Variants in MUCL1 observed in about 807,000 individuals in gnomAD.
MUCL1 encodes mucin-like protein 1.
MUCL1 carries 11 observed loss-of-function variants against 9.2 expected under a neutral mutation model. The ratio of observed to expected loss-of-function variants is 1.19; its 90% CI spans 0.75 to 1.97. The LOEUF is 1.97. MUCL1 is among the 30% of genes most tolerant of loss of function. MUCL1 has a pLI of 0.00. For synonymous variants in MUCL1, 48 were observed against 40.5 expected, an observed-to-expected ratio of 1.19 and a Z score of -0.71; for missense variants, 144 against 110.9, an observed-to-expected ratio of 1.30 and a Z score of -1.34.
intron 1 of MUCL1, among the ~76,000 whole-genome samples, chr12:54,841,291 A>T (rs10876630): frequency 0.43 from 64,656 of 152,100 alleles, 14,348 homozygotes; most frequent in Non-Finnish European, 0.51. Context: ...TTGTAGAACG[A>T]TGCTGCAATC....
intron 1 of MUCL1, among the ~76,000 whole-genome samples, chr12:54,833,215 C>T (rs183897520): frequency 2.0e-5 from 3 of 152,230 alleles, no homozygotes; most frequent in Admixed American, 2.0e-4. Flanking sequence ...TACCTACACA[C>T]ACACATCCAA....
At chr12:54,843,918 G>A (rs1311978504) in intron 1 of MUCL1, among the ~76,000 whole-genome samples, 1 of 152,116 alleles carries the variant, frequency 6.6e-6, no homozygotes, top group African/African-American at 2.4e-5. Flanking sequence ...GTAATACACT[G>A]ACATTCATTG....
intron 1 of MUCL1, among the ~76,000 whole-genome samples, chr12:54,832,689 C>T (rs763519328): frequency 6.6e-6 from 1 of 151,978 alleles, no homozygotes; most frequent in East Asian, 1.9e-4. Context: ...ACATCACAGA[C>T]GGCCCCTGGA....
At chr12:54,841,036 A>T (rs1270918807) in intron 1 of MUCL1, among the ~76,000 whole-genome samples, 1 of 151,194 alleles carries the variant, frequency 6.6e-6, no homozygotes, top group Non-Finnish European at 1.5e-5. Context: ...CTCTGCCTCT[A>T]TGAGTTCAAT....
At chr12:54,857,425 T>A (rs189459447) in intron 3 of MUCL1, among the ~76,000 whole-genome samples, 324 of 152,250 alleles carry the variant, frequency 2.1e-3, no homozygotes, top group African/African-American at 7.5e-3. Context: ...TCTGGGGTTT[T>A]GGACATTCAC....
chr12:54,834,200 T>C lies in MUCL1; in HGVS notation n.357+3325T>C, dbSNP rs149126260. On this transcript the variant is annotated intron_variant and non_coding_transcript_variant, in intron 1 of 3. Transcript: ENST00000547990. ...ATATTCTCTTTTAGAAGGTTTACTG[T>C]TACACTTATTATTTAGATATATTCT... Among the ~76,000 whole-genome samples the C allele has an allele frequency of 4.6e-3, 701 of 152,276 alleles. 28 individuals carry two copies. Among genetic ancestry groups the C allele is most frequent in the Admixed American group, 0.043 (658 of 15,288 alleles).
exon 1 of MUCL1, chr12:54,839,398 G>T: frequency 2.8e-6 from 2 of 701,926 alleles, no homozygotes; most frequent in Non-Finnish European, 5.2e-6. Context: ...TCAGGCTTCT[G>T]GCCAGTATGG....
upstream of MUCL1, among the ~76,000 whole-genome samples, chr12:54,850,204 CA>C (rs1199722813): frequency 6.6e-6 from 1 of 152,122 alleles, no homozygotes; most frequent in Non-Finnish European, 1.5e-5. Flanking sequence ...TACATGTGCA[CA>C]ACGTGCAGGT....
chr12:54,841,942 C>T (rs1959214314), intron 1 of MUCL1, among the ~76,000 whole-genome samples: 1 of 152,024 alleles, frequency 6.6e-6, no homozygotes, highest in Non-Finnish European at 1.5e-5. Flanking sequence ...CAGTTACAGG[C>T]CTTAATAATT....
intron 1 of MUCL1, among the ~76,000 whole-genome samples, chr12:54,846,051 G>A (rs1948140): frequency 0.45 from 68,755 of 151,906 alleles, 16,540 homozygotes; most frequent in East Asian, 0.84. Context: ...TCACCACTCA[G>A]TAAAACCTTG....
intron 1 of MUCL1, among the ~76,000 whole-genome samples, chr12:54,846,415 G>C (rs1450775365): frequency 6.6e-6 from 1 of 152,168 alleles, no homozygotes; most frequent in Non-Finnish European, 1.5e-5. Flanking sequence ...CTGCGAAGGG[G>C]ATCAGGGAAC....
At chr12:54,830,800 A>T (rs1396944290) in exon 1 of MUCL1, 1 of 152,094 alleles carries the variant, frequency 6.6e-6, no homozygotes, top group Non-Finnish European at 1.5e-5. Flanking sequence ...TCCCTGAGGG[A>T]TCCCCAAAAG....
upstream of MUCL1, chr12:54,854,407 G>A: frequency 1.8e-6 from 1 of 566,452 alleles, no homozygotes. Context: ...TGATTCTCCA[G>A]TGGTTTGTGT....
At chr12:54,837,466 T>C (rs1959194691), upstream of MUCL1, among the ~76,000 whole-genome samples, 1 of 152,084 alleles carries the variant, frequency 6.6e-6, no homozygotes, top group Non-Finnish European at 1.5e-5. Context: ...TTACCTCAAG[T>C]CTATAAGAAT....
At chr12:54,839,527 A>G (rs1366880608) in intron 1 of MUCL1, 2 of 700,110 alleles carry the variant, frequency 2.9e-6, no homozygotes, top group Admixed American at 2.0e-5. Context: ...AGTGAAATGC[A>G]CTGAGGTCTT....
intron 1 of MUCL1, among the ~76,000 whole-genome samples, chr12:54,849,216 A>G (rs1959300840): frequency 6.6e-6 from 1 of 152,128 alleles, no homozygotes. Context: ...ATCTACATAT[A>G]TTTGCCTATT....
chr12:54,851,410 CAT>C (rs901132137), upstream of MUCL1, among the ~76,000 whole-genome samples: 2 of 152,178 alleles, frequency 1.3e-5, no homozygotes, highest in Non-Finnish European at 2.9e-5. Context: ...ACAAAAACCA[CAT>C]GATTATCTCA....
At chr12:54,832,348 G>C (rs777167338) in intron 1 of MUCL1, among the ~76,000 whole-genome samples, 2 of 152,016 alleles carry the variant, frequency 1.3e-5, no homozygotes, top group African/African-American at 4.8e-5. Flanking sequence ...GATTGTGAAA[G>C]GCTTTTCTTT....
intron 1 of MUCL1, among the ~76,000 whole-genome samples, chr12:54,840,213 G>T (rs948987809): frequency 1.3e-5 from 2 of 152,144 alleles, no homozygotes; most frequent in Non-Finnish European, 2.9e-5. Flanking sequence ...AGTTCTGATG[G>T]CGATGGCACA....
Sources: gnomAD v4.1 joint callset for allele counts (sites outside exome capture counted in the v4.1 genomes callset) on GRCh38, gnomAD v4.1.1 for gene constraint, MANE v1.5 for transcripts, NCBI Gene and HGNC (gene_info 2026-07-23, HGNC 2026-07-21) for gene names.